The following SUMF1 variants were observed in gnomAD, a reference collection of about 807,000 sequenced individuals.
The protein encoded by SUMF1 is formylglycine-generating enzyme.
SUMF1 carries 48 observed loss-of-function variants against 47.6 expected under a neutral mutation model. The observed-to-expected ratio is 1.01, with a 90% CI of 0.80 to 1.28. SUMF1 has a LOEUF of 1.28. Among genes scored for constraint, SUMF1 ranks in the 50% most tolerant of loss-of-function variants. SUMF1 has a pLI of 0.00. For missense variants in SUMF1, 571 were observed against 485.4 expected, an observed-to-expected ratio of 1.18 and a Z score of -1.66; for synonymous variants, 230 against 192.1, an observed-to-expected ratio of 1.20 and a Z score of -1.63.
intron 8 of SUMF1, among the ~76,000 whole-genome samples, chr3:4,243,652 T>G (rs1435172778): frequency 6.6e-6 from 1 of 152,194 alleles, no homozygotes; most frequent in Admixed American, 6.5e-5. Context: ...TTCTGTTCTT[T>G]TACATTTGCT....
intron 8 of SUMF1, among the ~76,000 whole-genome samples, chr3:4,287,031 T>C (rs905157418): frequency 6.6e-6 from 1 of 152,198 alleles, no homozygotes; most frequent in African/African-American, 2.4e-5. Context: ...TAAGTGTCAT[T>C]TGCCTTGTAA....
rs190460560 is a variant in SUMF1 at position 4,035,832 on chromosome 3, A to G, written c.1191+32737T>C. Among the ~76,000 whole-genome samples the G allele has an allele frequency of 2.3e-3, 348 of 152,290 alleles. 1 individual carries two copies. The highest frequency in any genetic ancestry group is 0.01 in the Middle Eastern group (3 of 294). ...GTGTCTGGTGCATAATGCGGTCTCA[A>G]TAAACTGTAGTAATATTAGTGACAT... On this transcript the variant is annotated intron_variant and NMD_transcript_variant, in intron 9 of 12. Transcript: ENST00000448413.
At chr3:4,135,487 G>A (rs540084848) in intron 8 of SUMF1, among the ~76,000 whole-genome samples, 1 of 148,012 alleles carries the variant, frequency 6.8e-6, no homozygotes, top group African/African-American at 2.4e-5. Context: ...AATAATAACA[G>A]CTATCTATGA....
chr3:4,386,481 T>G (rs375710049), intron 7 of SUMF1, among the ~76,000 whole-genome samples: 1 of 152,172 alleles, frequency 6.6e-6, no homozygotes, highest in East Asian at 1.9e-4. Context: ...AAATATTAGT[T>G]TTAAGAAGAT....
chr3:4,253,401 G>A (rs1481707284), intron 8 of SUMF1, among the ~76,000 whole-genome samples: 3 of 152,214 alleles, frequency 2.0e-5, no homozygotes, highest in Non-Finnish European at 2.9e-5. Flanking sequence ...GCCAGTGGGT[G>A]CGTGCACCGT....
intron 8 of SUMF1, among the ~76,000 whole-genome samples, chr3:4,144,574 C>T (rs1694151085): frequency 1.3e-5 from 2 of 152,092 alleles, no homozygotes; most frequent in South Asian, 2.1e-4. Flanking sequence ...AATACAAATG[C>T]ATTTCAATAT....
intron 8 of SUMF1, among the ~76,000 whole-genome samples, chr3:4,332,299 T>G (rs1699066112): frequency 6.6e-6 from 1 of 152,234 alleles, no homozygotes; most frequent in Non-Finnish European, 1.5e-5. Flanking sequence ...GTCTCTTGAT[T>G]ACCTGTTTCC....
rs539282670 is a variant in SUMF1 at position 4,159,694 on chromosome 3, T to A, written c.1015-90949A>T. ...TTAAATAACATCCTTTTCTTAACCC[T>A]TTTCAGATTAAGGAACTGCGTTTTA... is the stretch of plus-strand genomic sequence containing the variant. On this transcript the variant is annotated intron_variant and NMD_transcript_variant, in intron 8 of 12. Coordinates refer to the SUMF1 transcript ENST00000448413. Among the ~76,000 whole-genome samples, 54 of 152,218 alleles carry A rather than the reference T, an allele frequency of 3.5e-4. 1 individual carries two copies. The highest frequency in any genetic ancestry group is 2.4e-3 in the Admixed American group (36 of 15,264).
intron 3 of SUMF1, among the ~76,000 whole-genome samples, chr3:4,432,666 A>G (rs1702270180): frequency 2.0e-5 from 3 of 152,168 alleles, no homozygotes. Context: ...CAACTGCATT[A>G]TACTCTAATC....
intron 7 of SUMF1, among the ~76,000 whole-genome samples, chr3:4,406,759 T>C (rs1701389322): frequency 2.0e-5 from 3 of 152,210 alleles, no homozygotes; most frequent in Admixed American, 6.5e-5. Flanking sequence ...GGGAAAGATA[T>C]CACAGATCAC....
intron 8 of SUMF1, among the ~76,000 whole-genome samples, chr3:4,201,053 T>C (rs1437975862): frequency 1.3e-5 from 2 of 152,098 alleles, no homozygotes; most frequent in Non-Finnish European, 2.9e-5. Context: ...TGAGATATAT[T>C]GGTATAGGCA....
At chr3:4,246,695 C>G (rs1462511041) in intron 8 of SUMF1, among the ~76,000 whole-genome samples, 1 of 152,116 alleles carries the variant, frequency 6.6e-6, no homozygotes, top group Non-Finnish European at 1.5e-5. Flanking sequence ...CTACCGCACC[C>G]AGCCTTTTTC....
At chr3:4,175,078 C>T (rs1183725623) in intron 8 of SUMF1, among the ~76,000 whole-genome samples, 3 of 152,220 alleles carry the variant, frequency 2.0e-5, no homozygotes, top group African/African-American at 7.2e-5. Context: ...GGCCTACTGC[C>T]TCTAGACTCC....
chr3:4,180,425 T>A (rs1574956598), intron 8 of SUMF1, among the ~76,000 whole-genome samples: 1 of 152,044 alleles, frequency 6.6e-6, no homozygotes, highest in Middle Eastern at 3.4e-3. Context: ...ACCATCATTC[T>A]CAGCAAACCA....
chr3:4,236,683 C>T (rs1203950467), intron 8 of SUMF1, among the ~76,000 whole-genome samples: 1 of 152,102 alleles, frequency 6.6e-6, no homozygotes, highest in East Asian at 1.9e-4. Context: ...TCATATATCC[C>T]TTGTCACCTA....
intron 8 of SUMF1, among the ~76,000 whole-genome samples, chr3:4,270,440 G>GCA (rs760654678): frequency 6.7e-6 from 1 of 148,506 alleles, no homozygotes; most frequent in Admixed American, 6.7e-5. Context: ...ACACATACAC[G>GCA]CACACACACA....
At chr3:4,229,352 A>C (rs1696248053) in intron 8 of SUMF1, 2 of 416,870 alleles carry the variant, frequency 4.8e-6, no homozygotes, top group Admixed American at 5.4e-5. Context: ...CACCTTTCTT[A>C]TAAATGTCCA....
At chr3:4,206,666 T>C (rs1176763406) in intron 8 of SUMF1, among the ~76,000 whole-genome samples, 3 of 152,158 alleles carry the variant, frequency 2.0e-5, no homozygotes, top group Admixed American at 1.3e-4. Flanking sequence ...TCAGGTACTA[T>C]GATCACTCAC....
chr3:4,321,365 C>T (rs1698825654), intron 8 of SUMF1, among the ~76,000 whole-genome samples: 1 of 138,236 alleles, frequency 7.2e-6, no homozygotes, highest in Admixed American at 7.8e-5. Context: ...TCTCCAACAA[C>T]AAAAAAACAG....
Sources: allele counts gnomAD v4.1 joint callset (sites outside exome capture counted in the v4.1 genomes callset), GRCh38; gene constraint gnomAD v4.1.1; transcripts MANE v1.5; gene names NCBI Gene and HGNC (gene_info 2026-07-23, HGNC 2026-07-21).